The following BPIFB1 variants were observed in gnomAD, a reference collection of about 807,000 sequenced individuals.
The protein encoded by BPIFB1 is BPI fold-containing family B member 1.
A neutral mutation model predicts 55.1 loss-of-function variants in BPIFB1; 34 were observed. The observed-to-expected ratio is 0.62, with a 90% CI of 0.47 to 0.82. BPIFB1 has a LOEUF of 0.82. BPIFB1 is among the 40% of genes least tolerant of loss of function. The pLI, the probability that BPIFB1 is intolerant of heterozygous loss-of-function variation, is 0.00. For missense variants in BPIFB1, 532 were observed against 593.1 expected, an observed-to-expected ratio of 0.90 and a Z score of 1.07; for synonymous variants, 236 against 245.3, an observed-to-expected ratio of 0.96 and a Z score of 0.35.
Position 33,292,017 on chromosome 20 carries a change from G to C in BPIFB1, c.597+29G>C, listed in dbSNP as rs1980489047. ...AGTGGAATCAGGGCCTCTCTGGCCT[G>C]TGGGCATTGCGCCCCCTGTGGGGCT... On this transcript the variant is annotated intron_variant, in intron 6 of 15. Transcript: ENST00000253354. The C allele has an allele frequency of 1.9e-6, 3 of 1,603,544 alleles. No individual in the cohort carries two copies. In the African/African-American group the frequency reaches 4.0e-5, roughly 21 times the overall value.
chr20:33,301,811 T>C (rs1184261750), intron 9 of BPIFB1, among the ~76,000 whole-genome samples: 1 of 152,194 alleles, frequency 6.6e-6, no homozygotes, highest in Non-Finnish European at 1.5e-5. Flanking sequence ...CTCTCCTTTC[T>C]ACTGAGTCTG....
Position 33,302,807 on chromosome 20 carries a change from G to A in BPIFB1, c.982-109G>A, listed in dbSNP as rs547787314. The A allele has an allele frequency of 3.4e-5, 43 of 1,271,378 alleles. 2 individuals are homozygous for A. The Admixed American group carries it at 3.6e-4, about 11-fold the overall frequency. The allele number at this position is 1,271,378 out of a possible 1,614,324, so 78.8% of individuals were successfully genotyped here. ...AAGAAGGACAGGGTGGCTGGAACAC[G>A]TGAGGGAGCAGGGAGCCCAGGAAGG... On this transcript the variant is annotated intron_variant, in intron 10 of 15. Transcript: ENST00000253354.
In BPIFB1 at chr20:33,289,771, C is replaced by T. The variant is rs1276675142; in HGVS notation, c.258-114C>T. On this transcript the variant is annotated intron_variant, in intron 3 of 15. Transcript: ENST00000253354. ...TCTGGAGAGGAGTCGGTGGGCAGGG[C>T]CAGGGTCCCGCTGCTGCCTAGGCAC... 3 of 903,502 alleles carry T rather than the reference C, an allele frequency of 3.3e-6. No homozygotes were observed. In the African/African-American group the frequency reaches 4.9e-5, roughly 15 times the overall value. The allele number at this position is 903,502 out of a possible 1,614,324, so 56.0% of individuals were successfully genotyped here. A position where few individuals can be genotyped will look rare whatever the true frequency, so the allele number is the denominator to read the frequency against.
intron 7 of BPIFB1, 72 bp downstream of exon 7, chr20:33,297,660 G>C: frequency 6.5e-7 from 1 of 1,532,148 alleles, no homozygotes; most frequent in Non-Finnish European, 9.0e-7. Context: ...ACTCCACCAA[G>C]GGAAGGCCTC....
At chr20:33,307,092 C>G (rs1981056009) in intron 15 of BPIFB1, 105 bp downstream of exon 15, 3 of 1,031,874 alleles carry the variant, frequency 2.9e-6, no homozygotes, top group African/African-American at 1.6e-5. Context: ...TACAGGTGAC[C>G]CTGGGCAAGT....
chr20:33,289,900 A>G lies in BPIFB1; in HGVS notation c.273A>G (p.Thr91=), dbSNP rs1980401393. The stretch of plus-strand genomic sequence containing the variant: ...CCCCATCCAGGCTGAAGGTCATCAC[A>G]GCTAACATCCTCCAGCTGCAGGTGA... The part of the protein sequence containing the change: ...LKHIIWLKVI[T]ANILQLQVKP... Residue 91 remains threonine, a synonymous_variant, in exon 4 of 16, where the codon ACA becomes ACG. Coordinates refer to ENST00000253354, the MANE Select transcript of BPIFB1 (RefSeq NM_033197.3). The G allele has an allele frequency of 2.5e-6, 4 of 1,614,194 alleles. No individual in the cohort carries two copies. Among genetic ancestry groups the G allele is most frequent in the Non-Finnish European group, 3.4e-6 (4 of 1,180,006 alleles).
chr20:33,295,951 A>G lies in BPIFB1; in HGVS notation c.598-1574A>G, dbSNP rs576753812. The stretch of plus-strand genomic sequence containing the variant: ...AGGAAGGAAGGACGGAAAAAGAGAG[A>G]GAGGGAGGGAGGGAAGAAAGGAAGG... On this transcript the variant is annotated intron_variant, in intron 6 of 15. Transcript: ENST00000253354. Among the ~76,000 whole-genome samples the G allele has an allele frequency of 3.9e-3, 427 of 109,830 alleles. 4 individuals carry two copies. The highest frequency in any genetic ancestry group is 0.015 in the African/African-American group (410 of 28,172). 72.1% of individuals were successfully genotyped at this position (109,830 alleles called of 152,430 possible).
chr20:33,289,958 A>G lies in BPIFB1; in HGVS notation c.331A>G (p.Lys111Glu), dbSNP rs762281150. ...GGCCAATGACCAGGAGCTGCTAGTC[A>G]AGATCCCCCTGGACATGGTGGCTGG... The part of the protein sequence containing the change: ...PSANDQELLV[K>E]IPLDMVAGFN... The change falls in exon 4 of 16, where the codon AAG becomes GAG. Residue 111 changes from lysine (K) to glutamate (E), a missense_variant. Coordinates refer to ENST00000253354, the MANE Select transcript of BPIFB1 (RefSeq NM_033197.3). 1 of 1,614,188 alleles carries G rather than the reference A, an allele frequency of 6.2e-7. No individual in the cohort carries two copies. The highest frequency in any genetic ancestry group is 1.7e-5 in the Admixed American group (1 of 60,024).
In BPIFB1 at chr20:33,302,806, C is replaced by T. The variant is rs368567407; in HGVS notation, c.982-110C>T. 731 of 1,252,616 alleles carry T rather than the reference C, an allele frequency of 5.8e-4. 2 individuals are homozygous for T. Among genetic ancestry groups the T allele is most frequent in the Non-Finnish European group, 7.4e-4 (657 of 888,554 alleles). The allele number at this position is 1,252,616 out of a possible 1,614,324, so 77.6% of individuals were successfully genotyped here. ...CAAGAAGGACAGGGTGGCTGGAACA[C>T]GTGAGGGAGCAGGGAGCCCAGGAAG... On this transcript the variant is annotated intron_variant, in intron 10 of 15. Coordinates refer to ENST00000253354, the MANE Select transcript of BPIFB1 (RefSeq NM_033197.3).
intron 7 of BPIFB1, chr20:33,298,610 C>T (rs1194509504): frequency 7.7e-6 from 1 of 130,212 alleles, no homozygotes; most frequent in Non-Finnish European, 1.5e-5. Flanking sequence ...GCAGTCATGA[C>T]CCCCCTTCAC....
intron 11 of BPIFB1, among the ~76,000 whole-genome samples, 164 bp downstream of exon 11, chr20:33,303,238 A>G (rs1057249017): frequency 1.3e-5 from 2 of 152,196 alleles, no homozygotes; most frequent in Non-Finnish European, 2.9e-5. Context: ...TGTGGGTCCA[A>G]TTCTAACCCT....
At chr20:33,299,691 T>A (rs2146532817) in intron 7 of BPIFB1, among the ~76,000 whole-genome samples, 1 of 152,286 alleles carries the variant, frequency 6.6e-6, no homozygotes, top group East Asian at 1.9e-4. Flanking sequence ...ATGAACCAGC[T>A]GACATGCAGA....
In BPIFB1 at chr20:33,301,321, C is replaced by T. The variant is rs779716269; in HGVS notation, c.836C>T (p.Pro279Leu). ...ACAATGCCCACCCTGGACAACATCC[C>T]GTTCAGCCTCATCGTGAGTCAGGAC... is the stretch of plus-strand genomic sequence containing the variant. ...SLTMPTLDNI[P>L]FSLIVSQDVV... The change falls in exon 9 of 16, where the codon CCG (proline) becomes CTG (leucine). Residue 279 changes from proline (P) to leucine (L), a missense_variant. Physicochemically the swap from Pro to Leu is moderately conservative, Grantham distance 98 (BLOSUM62 -3). Transcript: ENST00000253354. 6.2e-6 allele frequency: 10 copies of T among 1,614,206 alleles called. No homozygotes were observed. The highest frequency in any genetic ancestry group is 1.7e-4 in the Middle Eastern group (1 of 6,050).
At chr20:33,304,141 G>A in intron 12 of BPIFB1, 116 bp downstream of exon 12, 1 of 864,530 alleles carries the variant, frequency 1.2e-6, no homozygotes, top group South Asian at 1.5e-5. Context: ...CTCCAGGGTA[G>A]GCAGGGAGGT....
rs1240152199 is a variant in BPIFB1 at position 33,301,421 on chromosome 20, C to T, written c.927+9C>T. 1 of 1,608,662 alleles carries T rather than the reference C, an allele frequency of 6.2e-7. No homozygotes were observed. Among genetic ancestry groups the T allele is most frequent in the Non-Finnish European group, 8.5e-7 (1 of 1,176,286 alleles). On this transcript the variant is annotated intron_variant, in intron 9 of 15. Coordinates refer to ENST00000253354, the MANE Select transcript of BPIFB1 (RefSeq NM_033197.3). ...TCCTGTTGGACTCTGTGGTAAACCT[C>T]AGCACAAGGCAGAGAATAGGGCCGC...
chr20:33,307,035 A>C, intron 15 of BPIFB1, 48 bp downstream of exon 15: 3 of 1,551,330 alleles, frequency 1.9e-6, no homozygotes, highest in Non-Finnish European at 2.7e-6. Context: ...GGGCACAGCC[A>C]CTGAGAGCCC....
intron 6 of BPIFB1, among the ~76,000 whole-genome samples, chr20:33,297,069 G>A (rs147414694): frequency 0.012 from 1,881 of 152,314 alleles, 20 homozygotes; most frequent in Middle Eastern, 0.02. Context: ...GATTACAGGA[G>A]TGCACCACCA....
chr20:33,297,733 C>T lies in BPIFB1; in HGVS notation c.661+145C>T. ...CAGGTGAGACAAGCATCAGTTGATC[C>T]CTGCCCCAGACGCGCAGACAGAAAT... On this transcript the variant is annotated intron_variant, in intron 7 of 15. Transcript: ENST00000253354. The T allele has an allele frequency of 3.6e-6, 3 of 824,088 alleles. No homozygotes were observed. The East Asian group carries it at 7.4e-5, about 20-fold the overall frequency. 51.0% of individuals were successfully genotyped at this position (824,088 alleles called of 1,614,324 possible). A position where few individuals can be genotyped will look rare whatever the true frequency, so the allele number is the denominator to read the frequency against.
intron 15 of BPIFB1, chr20:33,307,215 T>C (rs1981060819): frequency 2.0e-6 from 1 of 491,324 alleles, no homozygotes; most frequent in Non-Finnish European, 3.5e-6. Context: ...CCCTTGTCAT[T>C]CATTCATTCA....
Sources: allele counts gnomAD v4.1 joint callset (sites outside exome capture counted in the v4.1 genomes callset), GRCh38; gene constraint gnomAD v4.1.1; transcripts MANE v1.5; gene names NCBI Gene and HGNC (gene_info 2026-07-23, HGNC 2026-07-21).